CTNNA2: variants seen among roughly 807,000 people sequenced by gnomAD.
The protein encoded by CTNNA2 is catenin alpha 2.
CTNNA2 carries 42 observed loss-of-function variants against 101.0 expected under a neutral mutation model. The ratio of observed to expected loss-of-function variants is 0.42; its 90% CI spans 0.32 to 0.54. CTNNA2 has a LOEUF of 0.54. Among genes scored for constraint, CTNNA2 ranks in the 20% least tolerant of loss-of-function variants. The probability of loss-of-function intolerance (pLI) is 0.14; values close to 1 mark genes in which losing one functional copy is unlikely to be tolerated. For synonymous variants in CTNNA2, 450 were observed against 456.4 expected (o/e 0.99, Z 0.18); for missense variants, 871 against 1,223.1 (o/e 0.71, Z 4.29).
chr2:79,989,768 A>G (rs1246833760), intron 7 of CTNNA2, among the ~76,000 whole-genome samples: 1 of 152,154 alleles, frequency 6.6e-6, no homozygotes, highest in Non-Finnish European at 1.5e-5. Flanking sequence ...TTAGTTTTCT[A>G]TGGAAACTGG....
intron 7 of CTNNA2, among the ~76,000 whole-genome samples, chr2:80,286,686 T>C (rs944072377): frequency 2.6e-5 from 4 of 152,186 alleles, no homozygotes; most frequent in African/African-American, 9.6e-5. Context: ...ACACAGTGTA[T>C]AGTCCACCTT....
At chr2:80,336,509 C>T (rs1671774468) in intron 7 of CTNNA2, among the ~76,000 whole-genome samples, 1 of 152,166 alleles carries the variant, frequency 6.6e-6, no homozygotes, top group South Asian at 2.1e-4. Flanking sequence ...CTACACTTCA[C>T]CTTATGCAGA....
intron 1 of CTNNA2, among the ~76,000 whole-genome samples, chr2:79,523,673 A>G (rs1672243140): frequency 6.6e-6 from 1 of 152,192 alleles, no homozygotes; most frequent in African/African-American, 2.4e-5. Context: ...AATAGTGCCA[A>G]ATTGCTCTTC....
chr2:80,242,461 T>A (rs1270313692), intron 7 of CTNNA2, among the ~76,000 whole-genome samples: 1 of 152,072 alleles, frequency 6.6e-6, no homozygotes, highest in Admixed American at 6.6e-5. Flanking sequence ...GCTGGGAGAG[T>A]CCTGCTTCAA....
chr2:79,311,420 A>T (rs1288650371), intron 2 of CTNNA2, among the ~76,000 whole-genome samples: 1 of 151,714 alleles, frequency 6.6e-6, no homozygotes, highest in African/African-American at 2.4e-5. Flanking sequence ...AAAAAAAAAA[A>T]AAAAAAAAAA....
chr2:80,416,037 G>A (rs1484562202), intron 8 of CTNNA2, among the ~76,000 whole-genome samples: 1 of 152,150 alleles, frequency 6.6e-6, no homozygotes, highest in Non-Finnish European at 1.5e-5. Context: ...TAAGCCAGTG[G>A]TTGCTAGGGG....
intron 7 of CTNNA2, among the ~76,000 whole-genome samples, chr2:79,927,212 C>T (rs1216210857): frequency 6.6e-6 from 1 of 152,042 alleles, no homozygotes; most frequent in Non-Finnish European, 1.5e-5. Context: ...GAAATGCATG[C>T]TTTATTATGG....
intron 7 of CTNNA2, among the ~76,000 whole-genome samples, chr2:80,139,886 G>A (rs1161062012): frequency 6.6e-6 from 1 of 152,134 alleles, no homozygotes; most frequent in Non-Finnish European, 1.5e-5. Context: ...AAATAGCAGA[G>A]CCCAAAGCAA....
chr2:80,556,485 A>G (rs1172202670), intron 12 of CTNNA2, among the ~76,000 whole-genome samples: 1 of 152,158 alleles, frequency 6.6e-6, no homozygotes, highest in African/African-American at 2.4e-5. Context: ...AAAGCTTTAC[A>G]TGCCCTTCTT....
chr2:80,031,902 A>G (rs2104198913), intron 7 of CTNNA2, among the ~76,000 whole-genome samples: 1 of 152,360 alleles, frequency 6.6e-6, no homozygotes, highest in East Asian at 1.9e-4. Flanking sequence ...CAACGATTCC[A>G]CATGTAATTG....
intron 8 of CTNNA2, among the ~76,000 whole-genome samples, chr2:80,409,786 T>C (rs1410925088): frequency 6.6e-6 from 1 of 152,238 alleles, no homozygotes; most frequent in Non-Finnish European, 1.5e-5. Flanking sequence ...ATTTCGTTTC[T>C]TTGGCATAAC....
intron 1 of CTNNA2, among the ~76,000 whole-genome samples, chr2:79,585,701 T>C: frequency 6.6e-6 from 1 of 152,100 alleles, no homozygotes. Context: ...CTGCACTCCA[T>C]GCTGGCTTCC....
chr2:79,410,534 T>G (rs558073637), intron 4 of CTNNA2, among the ~76,000 whole-genome samples: 53 of 152,208 alleles, frequency 3.5e-4, no homozygotes, highest in Non-Finnish European at 7.4e-4. Flanking sequence ...TTTGTCAAAG[T>G]TCTTTTCTGC....
intron 9 of CTNNA2, among the ~76,000 whole-genome samples, chr2:80,429,690 G>A (rs1327285060): frequency 6.6e-6 from 1 of 152,130 alleles, no homozygotes; most frequent in Non-Finnish European, 1.5e-5. Flanking sequence ...TACTGCAGAA[G>A]AATTCTTATA....
chr2:79,393,019 C>T (rs1481123350), intron 4 of CTNNA2, among the ~76,000 whole-genome samples: 1 of 152,138 alleles, frequency 6.6e-6, no homozygotes, highest in Admixed American at 6.6e-5. Context: ...CATGAAAATC[C>T]TGACCTGAGT....
At chr2:79,287,957 G>A (rs1675663629) in intron 2 of CTNNA2, among the ~76,000 whole-genome samples, 1 of 152,238 alleles carries the variant, frequency 6.6e-6, no homozygotes, top group African/African-American at 2.4e-5. Flanking sequence ...CTGATGCGCT[G>A]TTTTTTAAGC....
In CTNNA2 at chr2:80,545,972, C is replaced by A. The variant is rs779989636; in HGVS notation, c.1449C>A (p.Asp483Glu). ...GCAAAGTTGCTCAGGATAACATGGA[C>A]GTCTTCAAAGACCAGTGGGAGAAGC... ...PQSKVAQDNM[D>E]VFKDQWEKQV... The change falls in exon 11 of 19, where the codon GAC becomes GAA. Residue 483 changes from aspartate (D) to glutamate (E), a missense_variant. Transcript: ENST00000402739. 1.9e-6 allele frequency: 3 copies of A among 1,614,090 alleles called. No homozygotes were observed. Among genetic ancestry groups the A allele is most frequent in the Non-Finnish European group, 2.5e-6 (3 of 1,180,004 alleles).
chr2:79,969,045 G>A (rs1690291527), intron 7 of CTNNA2, among the ~76,000 whole-genome samples: 1 of 152,100 alleles, frequency 6.6e-6, no homozygotes. Context: ...CAGTTTGTCT[G>A]TGGTCACACC....
chr2:80,168,320 G>A (rs943987858), intron 7 of CTNNA2, among the ~76,000 whole-genome samples: 2 of 152,130 alleles, frequency 1.3e-5, no homozygotes, highest in Non-Finnish European at 2.9e-5. Context: ...TAGGTGACAG[G>A]CATTGAGGTG....
Sources: allele counts gnomAD v4.1 joint callset (sites outside exome capture counted in the v4.1 genomes callset), GRCh38; gene constraint gnomAD v4.1.1; transcripts MANE v1.5; gene names NCBI Gene and HGNC (gene_info 2026-07-23, HGNC 2026-07-21).